The following PLD3 variants were observed in gnomAD, a reference collection of about 807,000 sequenced individuals.
The protein encoded by PLD3 is phospholipase D family member 3.
In PLD3, 31 loss-of-function variants were observed where a neutral mutation model predicts 58.4. The ratio of observed to expected loss-of-function variants is 0.53; its 90% CI spans 0.40 to 0.72. PLD3 has a LOEUF of 0.72. Ranked by LOEUF, PLD3 falls within the 30% of genes least tolerant of loss-of-function variation. The probability of loss-of-function intolerance (pLI) is 0.00; values close to 1 mark genes in which losing one functional copy is unlikely to be tolerated. For synonymous variants in PLD3, 264 were observed against 273.4 expected, an observed-to-expected ratio of 0.97 and a Z score of 0.34; for missense variants, 595 against 659.8, an observed-to-expected ratio of 0.90 and a Z score of 1.08.
chr19:40,378,398 G>T lies in PLD3; in HGVS notation c.*225G>T, dbSNP rs559168775. 1 of 642,798 alleles carries T rather than the reference G, an allele frequency of 1.6e-6. No homozygotes were observed. Among genetic ancestry groups the T allele is most frequent in the East Asian group, 2.8e-5 (1 of 36,050 alleles). The allele number at this position is 642,798 out of a possible 1,614,324, so 39.8% of individuals were successfully genotyped here. ...GATCAGCCCCCAAAGAAATGGGGGT[G>T]CATGCTGGGCCTGGCCCCCTGGCCC... is the stretch of plus-strand genomic sequence containing the variant. On this transcript the variant is annotated 3_prime_UTR_variant, in exon 13 of 13. Transcript: ENST00000409735.
chr19:40,353,366 G>T (rs1298622705), intron 1 of PLD3, among the ~76,000 whole-genome samples: 1 of 152,040 alleles, frequency 6.6e-6, no homozygotes, highest in Admixed American at 6.6e-5. Context: ...GAAGATGGAG[G>T]TTGCTTTGAG....
chr19:40,371,461 C>T, intron 8 of PLD3: 1 of 577,900 alleles, frequency 1.7e-6, no homozygotes, highest in East Asian at 2.8e-5. Flanking sequence ...GAAGCAACAG[C>T]AGATTGCAAA....
At chr19:40,369,803 T>A (rs949206903) in intron 6 of PLD3, 105 bp from the exon 7 acceptor site, 2 of 1,053,912 alleles carry the variant, frequency 1.9e-6, no homozygotes, top group Non-Finnish European at 2.7e-6. Flanking sequence ...TAATGTAAAG[T>A]CTGTTTACTC....
In PLD3 at chr19:40,378,318, T is replaced by A. The variant is rs2079297475; in HGVS notation, c.*145T>A. ...TCTCCCCTGCTCTCCCACCTCTACC[T>A]CCACCCCCACCGGCCTGACGCTGTG... On this transcript the variant is annotated 3_prime_UTR_variant, in exon 13 of 13. Coordinates refer to ENST00000409735, the MANE Select transcript of PLD3 (RefSeq NM_012268.4). The A allele has an allele frequency of 1.3e-6, 1 of 788,646 alleles. No homozygotes were observed. Among genetic ancestry groups the A allele is most frequent in the Non-Finnish European group, 2.2e-6 (1 of 458,192 alleles). The allele number at this position is 788,646 out of a possible 1,614,324, so 48.9% of individuals were successfully genotyped here. A position where few individuals can be genotyped will look rare whatever the true frequency, so the allele number is the denominator to read the frequency against.
In PLD3 at chr19:40,370,097, C is replaced by T. The variant is rs764154244; in HGVS notation, c.551-13C>T. On this transcript the variant is annotated splice_polypyrimidine_tract_variant and intron_variant, in intron 7 of 12. Coordinates refer to ENST00000409735, the MANE Select transcript of PLD3 (RefSeq NM_012268.4). ...CCAGCCTGGCCCCTGATCTCTGCCC[C>T]TGCTGGTCACAGGTGCCCAGGTCCG... is the stretch of plus-strand genomic sequence containing the variant. 2.1e-5 allele frequency: 34 copies of T among 1,603,836 alleles called. No homozygotes were observed. In the Admixed American group the frequency reaches 5.8e-4, roughly 28 times the overall value.
chr19:40,374,425 C>T, intron 9 of PLD3, 56 bp from the exon 10 acceptor site: 1 of 1,595,936 alleles, frequency 6.3e-7, no homozygotes, highest in Non-Finnish European at 8.6e-7. Flanking sequence ...TATGTGGGGT[C>T]CGTTGTGACG....
chr19:40,370,432 G>A (rs1260991177), intron 8 of PLD3, 195 bp downstream of exon 8: 1 of 518,660 alleles, frequency 1.9e-6, no homozygotes, highest in Admixed American at 3.8e-5. Flanking sequence ...CAACACTTTG[G>A]GAGGCCAAGG....
At chr19:40,369,161 G>A (rs777285375) in intron 6 of PLD3, among the ~76,000 whole-genome samples, 1 of 151,848 alleles carries the variant, frequency 6.6e-6, no homozygotes, top group African/African-American at 2.4e-5. Context: ...AACCGTATGA[G>A]CTCCCACTCC....
intron 1 of PLD3, among the ~76,000 whole-genome samples, chr19:40,361,789 CACTT>C (rs1428061565): frequency 2.0e-5 from 3 of 151,462 alleles, no homozygotes; most frequent in Non-Finnish European, 4.4e-5. Context: ...TCCTCTATGG[CACTT>C]ACTACCTTCT....
At chr19:40,358,061 C>T (rs1406107345) in intron 1 of PLD3, 1 of 152,232 alleles carries the variant, frequency 6.6e-6, no homozygotes, top group Non-Finnish European at 1.5e-5. Flanking sequence ...CCAGCCACCA[C>T]CCTCCAGTGC....
chr19:40,361,211 A>G (rs888635164), intron 1 of PLD3, among the ~76,000 whole-genome samples: 3 of 152,086 alleles, frequency 2.0e-5, no homozygotes, highest in African/African-American at 7.2e-5. Flanking sequence ...CCTGGGTTCA[A>G]GCGATTCTCC....
chr19:40,354,230 G>C (rs971007953), intron 1 of PLD3, among the ~76,000 whole-genome samples: 1 of 151,542 alleles, frequency 6.6e-6, no homozygotes, highest in African/African-American at 2.4e-5. Flanking sequence ...CATGCCACCA[G>C]GCCCGGCTAA....
chr19:40,358,722 A>T (rs2078710038), intron 1 of PLD3: 1 of 152,234 alleles, frequency 6.6e-6, no homozygotes, highest in Non-Finnish European at 1.5e-5. Context: ...TTTATAGATG[A>T]GGCCAGCAGG....
In PLD3 at chr19:40,366,455, C is replaced by G. The variant is rs771238072; in HGVS notation, c.-29C>G. On this transcript the variant is annotated 5_prime_UTR_variant, in exon 3 of 13. Transcript: ENST00000409735. ...TGACACACCCACCTTCTCACCTGGGCTCTGCGTATCCCCCAGCCTTGAGGG... is the reference window on the plus strand; with the variant it reads ...TGACACACCCACCTTCTCACCTGGGGTCTGCGTATCCCCCAGCCTTGAGGG... 1 of 1,612,308 alleles carries G rather than the reference C, an allele frequency of 6.2e-7. No individual in the cohort carries two copies. The highest frequency in any genetic ancestry group is 8.5e-7 in the Non-Finnish European group (1 of 1,178,392).
chr19:40,378,372 G>C lies in PLD3; in HGVS notation c.*199G>C, dbSNP rs749686824. The stretch of plus-strand genomic sequence containing the variant: ...CCGGGACCCAGCAGAGCTGGGGGAG[G>C]GATCAGCCCCCAAAGAAATGGGGGT... On this transcript the variant is annotated 3_prime_UTR_variant, in exon 13 of 13. Transcript: ENST00000409735. 2 of 679,870 alleles carry C rather than the reference G, an allele frequency of 2.9e-6. No individual in the cohort carries two copies. The highest frequency in any genetic ancestry group is 5.3e-6 in the Non-Finnish European group (2 of 379,694). The allele number at this position is 679,870 out of a possible 1,614,324, so 42.1% of individuals were successfully genotyped here.
At position 40,366,502 on chromosome 19, in the gene PLD3, T is replaced by A. The variant is rs1419132847; in HGVS notation, c.19T>A (p.Tyr7Asn). ...AGGGAAGATGAAGCCTAAACTGATG[T>A]ACCAGGAGGTAGGTGGATTGGGGGG... is the stretch of plus-strand genomic sequence containing the variant. Reference protein sequence around the residue: MKPKLMYQELKVPAEEP... With the variant: MKPKLMNQELKVPAEEP... Residue 7 changes from tyrosine to asparagine, a missense_variant, in exon 3 of 13, where the codon TAC (tyrosine) becomes AAC (asparagine). By Grantham distance (143) the Tyr-to-Asn change is moderately radical. Coordinates refer to ENST00000409735, the MANE Select transcript of PLD3 (RefSeq NM_012268.4). The A allele has an allele frequency of 6.2e-7, 1 of 1,613,566 alleles. No individual in the cohort carries two copies. Among genetic ancestry groups the A allele is most frequent in the South Asian group, 1.1e-5 (1 of 91,072 alleles).
chr19:40,370,196 T>C lies in PLD3; in HGVS notation c.637T>C (p.Tyr213His), dbSNP rs1404083512. Residue 213 changes from tyrosine (Y) to histidine (H), a missense_variant, in exon 8 of 13, where the codon TAC (tyrosine) becomes CAC (histidine). Physicochemically the swap from Tyr to His is moderately conservative, Grantham distance 83. Coordinates refer to ENST00000409735, the MANE Select transcript of PLD3 (RefSeq NM_012268.4). ...CTGGGTGGTGGACCAGACCCACTTC[T>C]ACCTGGGCAGTGCCAACATGGACTG... is the stretch of plus-strand genomic sequence containing the variant. ...KFWVVDQTHFYLGSANMDWRS... is the reference protein window; with the variant it reads ...KFWVVDQTHFHLGSANMDWRS... The C allele has an allele frequency of 1.2e-6, 2 of 1,614,076 alleles. No homozygotes were observed. Among genetic ancestry groups the C allele is most frequent in the Admixed American group, 3.3e-5 (2 of 60,012 alleles).
rs570876166 is a variant in PLD3, at chr19:40,373,672, G to A, written c.880-809G>A. ...CCCGAGGGGTTCCCAGTCAAGGCAG[G>A]CTGTGAGCAAATCAGGGAAGAAAGT... On this transcript the variant is annotated intron_variant, in intron 9 of 12. Transcript: ENST00000409735. Among the ~76,000 whole-genome samples, 204 of 151,588 alleles carry A rather than the reference G, an allele frequency of 1.3e-3. 1 individual carries two copies. Among genetic ancestry groups the A allele is most frequent in the African/African-American group, 4.7e-3 (194 of 41,368 alleles).
intron 1 of PLD3, among the ~76,000 whole-genome samples, chr19:40,352,152 A>G (rs1472235140): frequency 4.0e-5 from 6 of 151,774 alleles, no homozygotes; most frequent in Non-Finnish European, 8.8e-5. Context: ...TTGTGCCTGT[A>G]ATCCCAGCTA....
Sources: gnomAD v4.1 joint callset for allele counts (sites outside exome capture counted in the v4.1 genomes callset) on GRCh38, gnomAD v4.1.1 for gene constraint, MANE v1.5 for transcripts, NCBI Gene and HGNC (gene_info 2026-07-23, HGNC 2026-07-21) for gene names.